CGRRF1: variants seen among roughly 807,000 people sequenced by gnomAD.
CGRRF1 encodes the protein cell growth regulator with ring finger domain 1.
CGRRF1 carries 32 observed loss-of-function variants against 37.2 expected under a neutral mutation model. The observed-to-expected ratio is 0.86, with a 90% confidence interval of 0.65 to 1.16. CGRRF1 has a LOEUF of 1.16. CGRRF1 is among the 50% of genes most tolerant of loss of function. The pLI, the probability that CGRRF1 is intolerant of heterozygous loss-of-function variation, is 0.00. For synonymous variants in CGRRF1, 141 were observed against 140.3 expected, an observed-to-expected ratio of 1.00 and a Z score of -0.04; for missense variants, 391 against 382.6, an observed-to-expected ratio of 1.02 and a Z score of -0.18.
intron 1 of CGRRF1, among the ~76,000 whole-genome samples, chr14:54,516,052 A>G (rs1424045808): frequency 3.9e-5 from 6 of 151,938 alleles, no homozygotes; most frequent in Non-Finnish European, 7.4e-5. Flanking sequence ...TTGTTCAGCC[A>G]TCATTTACAT....
At chr14:54,517,393 T>C (rs1409842757) in intron 1 of CGRRF1, among the ~76,000 whole-genome samples, 2 of 152,230 alleles carry the variant, frequency 1.3e-5, no homozygotes, top group East Asian at 3.8e-4. Context: ...CCAACTCTTT[T>C]ATAAAATCAG....
rs779291707 is a variant in CGRRF1, at chr14:54,538,061, A to C, written c.679-2A>C. On this transcript the variant is annotated splice_acceptor_variant, in intron 5 of 5. Transcript: ENST00000216420. LOFTEE classifies it high-confidence loss of function. ...CTTTAAATTTATTTCTTTGATTTTCAGCAACTTTTCATGTCTGCAAATAAT... is the reference window on the plus strand; with the variant it reads ...CTTTAAATTTATTTCTTTGATTTTCCGCAACTTTTCATGTCTGCAAATAAT... 6.3e-7 allele frequency: 1 copy of C among 1,579,734 alleles called. No individual in the cohort carries two copies. Among genetic ancestry groups the C allele is most frequent in the Non-Finnish European group, 8.6e-7 (1 of 1,167,148 alleles).
Position 54,538,781 on chromosome 14 carries a change from C to T in CGRRF1, c.*398C>T, listed in dbSNP as rs922840447. 5.0e-5 allele frequency: 8 copies of T among 159,750 alleles called. No homozygotes were observed. The highest frequency in any genetic ancestry group is 1.9e-4 in the East Asian group (1 of 5,320). The allele number at this position is 159,750 out of a possible 1,614,324, so 9.9% of individuals were successfully genotyped here. A position where few individuals can be genotyped will look rare whatever the true frequency, so the allele number is the denominator to read the frequency against. ...GCAATTAAGAAAAAACTTAATTCTA[C>T]TTAAAGTAATTGTGTGTTCCCTAGT... On this transcript the variant is annotated 3_prime_UTR_variant, in exon 6 of 6. Transcript: ENST00000216420.
chr14:54,531,882 C>T (rs1273221966), intron 4 of CGRRF1, among the ~76,000 whole-genome samples: 1 of 152,158 alleles, frequency 6.6e-6, no homozygotes, highest in African/African-American at 2.4e-5. Flanking sequence ...ACACAATTGA[C>T]TACTTTTCTG....
At chr14:54,526,378 T>C (rs1214379196) in intron 2 of CGRRF1, among the ~76,000 whole-genome samples, 1 of 151,790 alleles carries the variant, frequency 6.6e-6, no homozygotes, top group Non-Finnish European at 1.5e-5. Flanking sequence ...CTCAATCTCT[T>C]GACCTCATGA....
Position 54,509,914 on chromosome 14 carries a change from C to G in CGRRF1, c.-46C>G. ...GCGGGCGGGGCTCAGCCGGGCTGGG[C>G]TGGGCTCCGCGGCTGGAGCCGGGCT... On this transcript the variant is annotated 5_prime_UTR_variant, in exon 1 of 6. Transcript: ENST00000216420. The G allele has an allele frequency of 1.4e-6, 2 of 1,452,398 alleles. No homozygotes were observed. The highest frequency in any genetic ancestry group is 1.9e-6 in the Non-Finnish European group (2 of 1,034,152). The allele number at this position is 1,452,398 out of a possible 1,614,324, so 90.0% of individuals were successfully genotyped here. A position where few individuals can be genotyped will look rare whatever the true frequency, so the allele number is the denominator to read the frequency against.
At chr14:54,512,471 T>TG (rs2032145448) in intron 1 of CGRRF1, among the ~76,000 whole-genome samples, 1 of 152,268 alleles carries the variant, frequency 6.6e-6, no homozygotes, top group African/African-American at 2.4e-5. Flanking sequence ...TCAGGGACCA[T>TG]GACTCCAGTA....
intron 1 of CGRRF1, among the ~76,000 whole-genome samples, chr14:54,520,876 TTTTTTA>T: frequency 6.6e-6 from 1 of 152,284 alleles, no homozygotes; most frequent in East Asian, 1.9e-4. Context: ...TTTCTTTTTC[TTTTTTA>T]TCTATCACTG....
At chr14:54,528,283 G>A (rs1355273562) in intron 2 of CGRRF1, among the ~76,000 whole-genome samples, 1 of 149,696 alleles carries the variant, frequency 6.7e-6, no homozygotes, top group East Asian at 1.9e-4. Flanking sequence ...CACGATCTCG[G>A]CTCACTGTAA....
chr14:54,537,969 A>G (rs2032626008), intron 5 of CGRRF1, 94 bp from the exon 6 acceptor site: 1 of 1,471,002 alleles, frequency 6.8e-7, no homozygotes, highest in African/African-American at 1.4e-5. Context: ...TGAATTTGCT[A>G]GCTCATAAAT....
rs11555278 is a variant in CGRRF1 at position 54,538,539 on chromosome 14, A to G, written c.*156A>G. 2.6e-3 allele frequency: 1,361 copies of G among 521,536 alleles called. 2 individuals are homozygous for G. The highest frequency in any genetic ancestry group is 3.7e-3 in the Non-Finnish European group (1,130 of 305,054). The allele number at this position is 521,536 out of a possible 1,614,324, so 32.3% of individuals were successfully genotyped here. On this transcript the variant is annotated 3_prime_UTR_variant, in exon 6 of 6. Coordinates refer to ENST00000216420, the MANE Select transcript of CGRRF1 (RefSeq NM_006568.3). ...GGTACTTGGATGATAAAAATTAATT[A>G]TTCCTTTCTGCTTAGTGAATGAATA...
rs757486007 is a variant in CGRRF1 at position 54,538,046 on chromosome 14, A to G, written c.679-17A>G. 2 of 1,557,236 alleles carry G rather than the reference A, an allele frequency of 1.3e-6. No individual in the cohort carries two copies. Among genetic ancestry groups the G allele is most frequent in the South Asian group, 2.4e-5 (2 of 81,930 alleles). On this transcript the variant is annotated splice_polypyrimidine_tract_variant and intron_variant, in intron 5 of 5. Transcript: ENST00000216420. ...GTTATTTATAATAATCTTTAAATTT[A>G]TTTCTTTGATTTTCAGCAACTTTTC...
intron 4 of CGRRF1, among the ~76,000 whole-genome samples, chr14:54,535,777 A>G (rs998844336): frequency 1.3e-5 from 2 of 152,180 alleles, no homozygotes; most frequent in East Asian, 3.8e-4. Context: ...CCCTCCCTCC[A>G]GTCGGTTCTT....
rs111526818 is a variant in CGRRF1, at chr14:54,514,677, A to G, written c.104+4614A>G. The stretch of plus-strand genomic sequence containing the variant: ...AGTTCTCATCATTTAGCTCCCACTT[A>G]TAAGTGAGAACATGCTGTATTTGGT... On this transcript the variant is annotated intron_variant, in intron 1 of 5. Transcript: ENST00000216420. 1.7e-3 allele frequency among the ~76,000 whole-genome samples: 264 copies of G among 152,320 alleles called. 1 individual carries two copies. The highest frequency in any genetic ancestry group is 5.8e-3 in the African/African-American group (243 of 41,566).
chr14:54,533,046 A>G (rs1594656514), intron 4 of CGRRF1, among the ~76,000 whole-genome samples: 1 of 148,504 alleles, frequency 6.7e-6, no homozygotes, highest in Non-Finnish European at 1.5e-5. Context: ...CAGCTTCCCC[A>G]TTGCATTCCT....
chr14:54,522,360 A>G (rs772899324), intron 1 of CGRRF1, 94 bp from the exon 2 acceptor site: 36 of 878,036 alleles, frequency 4.1e-5, no homozygotes, highest in Non-Finnish European at 5.7e-5. Context: ...ACTTAATGCT[A>G]AAAGGAATCG....
rs555765247 is a variant in CGRRF1 at position 54,530,313 on chromosome 14, A to G, written c.422+87A>G. 5.9e-6 allele frequency: 8 copies of G among 1,362,858 alleles called. No individual in the cohort carries two copies. In the Admixed American group the frequency reaches 9.3e-5, roughly 16 times the overall value. 84.4% of individuals were successfully genotyped at this position (1,362,858 alleles called of 1,614,324 possible). A position where few individuals can be genotyped will look rare whatever the true frequency, so the allele number is the denominator to read the frequency against. On this transcript the variant is annotated intron_variant, in intron 3 of 5. Coordinates refer to ENST00000216420, the MANE Select transcript of CGRRF1 (RefSeq NM_006568.3). The stretch of plus-strand genomic sequence containing the variant: ...TGCTAACTTATTGATCATTCTTGGT[A>G]TACTAGAAGCATGTTTATTGCTTCA...
Position 54,530,155 on chromosome 14 carries a change from C to T in CGRRF1, c.351C>T (p.Cys117=). ...LYEALQKHVY[C]FRISTPQALE... ...AAGCTCTGCAGAAGCATGTTTATTG[C>T]TTCAGAATAAGCACTCCCCAAGCAT... The change falls in exon 3 of 6, where the codon TGC becomes TGT. Residue 117 remains cysteine (C), a synonymous_variant. Coordinates refer to ENST00000216420, the MANE Select transcript of CGRRF1 (RefSeq NM_006568.3). 6.2e-7 allele frequency: 1 copy of T among 1,613,478 alleles called. No homozygotes were observed. The highest frequency in any genetic ancestry group is 8.5e-7 in the Non-Finnish European group (1 of 1,179,482).
intron 4 of CGRRF1, among the ~76,000 whole-genome samples, chr14:54,532,318 A>AT (rs1247653639): frequency 6.6e-6 from 1 of 152,014 alleles, no homozygotes; most frequent in Non-Finnish European, 1.5e-5. Flanking sequence ...AGGTCAGCTT[A>AT]TTTTTTCCAA....
Sources: gnomAD v4.1 joint callset for allele counts (sites outside exome capture counted in the v4.1 genomes callset) on GRCh38, gnomAD v4.1.1 for gene constraint, MANE v1.5 for transcripts, NCBI Gene and HGNC (gene_info 2026-07-23, HGNC 2026-07-21) for gene names.